The following ITGA2 variants were observed in gnomAD, a reference collection of about 807,000 sequenced individuals.
ITGA2 encodes integrin subunit alpha 2, also known as integrin alpha-2.
ITGA2 carries 101 observed loss-of-function variants against 146.3 expected under a neutral mutation model. That is an observed-to-expected ratio of 0.69 (90% CI 0.59 to 0.81). The LOEUF is 0.81. Ranked by LOEUF, ITGA2 falls within the 40% of genes least tolerant of loss-of-function variation. The pLI, the probability that ITGA2 is intolerant of heterozygous loss-of-function variation, is 0.00. For synonymous variants in ITGA2, 477 were observed against 487.1 expected, an observed-to-expected ratio of 0.98 and a Z score of 0.27; for missense variants, 1,281 against 1,402.7, an observed-to-expected ratio of 0.91 and a Z score of 1.39.
At chr5:52,989,561 T>G (rs1740813758) in intron 1 of ITGA2, 29 bp downstream of exon 1, 1 of 1,613,250 alleles carries the variant, frequency 6.2e-7, no homozygotes, top group Non-Finnish European at 8.5e-7. Context: ...CTGCATCGGC[T>G]GCAGGAGGGA....
intron 7 of ITGA2, among the ~76,000 whole-genome samples, chr5:53,053,574 A>G (rs750684154): frequency 1.3e-5 from 2 of 152,136 alleles, no homozygotes; most frequent in African/African-American, 2.4e-5. Context: ...CTCCAGGACA[A>G]TGGCCACTGT....
intron 1 of ITGA2, among the ~76,000 whole-genome samples, chr5:53,009,198 G>A (rs1323067915): frequency 2.0e-5 from 3 of 152,140 alleles, no homozygotes; most frequent in Non-Finnish European, 2.9e-5. Context: ...GTAAATAGTA[G>A]TCAGGGCCTT....
In ITGA2 at chr5:53,038,643, C is replaced by G. The variant is rs182832268; in HGVS notation, c.186-3469C>G. On this transcript the variant is annotated intron_variant, in intron 2 of 29. Coordinates refer to ENST00000296585, the MANE Select transcript of ITGA2 (RefSeq NM_002203.4). ...TCCCAATCTGGGCCCTCTGCCAGGACTTCCTGCAGCTAAGAGGAAGGACAC... is the reference window on the plus strand; with the variant it reads ...TCCCAATCTGGGCCCTCTGCCAGGAGTTCCTGCAGCTAAGAGGAAGGACAC... Among the ~76,000 whole-genome samples, 127 of 152,316 alleles carry G rather than the reference C, an allele frequency of 8.3e-4. 1 individual carries two copies. Among genetic ancestry groups the G allele is most frequent in the African/African-American group, 2.9e-3 (121 of 41,556 alleles).
At chr5:53,006,089 G>A (rs1278001758) in intron 1 of ITGA2, among the ~76,000 whole-genome samples, 1 of 152,108 alleles carries the variant, frequency 6.6e-6, no homozygotes, top group Non-Finnish European at 1.5e-5. Flanking sequence ...GAGAGCATCA[G>A]GATAAGTAGC....
chr5:53,073,128 T>A lies in ITGA2; in HGVS notation c.2440T>A (p.Phe814Ile). 1.2e-6 allele frequency: 2 copies of A among 1,612,014 alleles called. No individual in the cohort carries two copies. The highest frequency in any genetic ancestry group is 1.7e-6 in the Non-Finnish European group (2 of 1,178,708). ...TTTTACTTTTAACAGAGAACAACCCTTTATTGTCAGCAACCAAAACAAAAG... is the reference window on the plus strand; with the variant it reads ...TTTTACTTTTAACAGAGAACAACCCATTATTGTCAGCAACCAAAACAAAAG... ...RQIPAAQEQP[F>I]IVSNQNKRLT... The change falls in exon 20 of 30, where the codon TTT becomes ATT. Residue 814 changes from phenylalanine (F) to isoleucine (I), a missense_variant. Coordinates refer to ENST00000296585, the MANE Select transcript of ITGA2 (RefSeq NM_002203.4).
At chr5:53,041,819 C>G (rs1164497916) in intron 2 of ITGA2, among the ~76,000 whole-genome samples, 1 of 152,032 alleles carries the variant, frequency 6.6e-6, no homozygotes, top group Non-Finnish European at 1.5e-5. Flanking sequence ...TAGCTGGCTA[C>G]TAGAAAATTT....
chr5:53,074,921 C>T (rs1354842815), intron 21 of ITGA2, 140 bp from the exon 22 acceptor site: 3 of 657,976 alleles, frequency 4.6e-6, no homozygotes, highest in Admixed American at 5.3e-5. Flanking sequence ...TAAAGATATT[C>T]CACAAATTTG....
intron 9 of ITGA2, 22 bp downstream of exon 9, chr5:53,056,171 C>A (rs777476406): frequency 4.9e-5 from 79 of 1,601,370 alleles, no homozygotes; most frequent in Non-Finnish European, 6.2e-5. Flanking sequence ...AACCTCCTTT[C>A]AAGAATTTTC....
At position 53,073,169 on chromosome 5, in the gene ITGA2, A is replaced by G. The variant is rs1340077981; in HGVS notation, c.2481A>G (p.Val827=). 6.2e-6 allele frequency: 10 copies of G among 1,612,038 alleles called. No individual in the cohort carries two copies. Among genetic ancestry groups the G allele is most frequent in the Non-Finnish European group, 8.5e-6 (10 of 1,178,630 alleles). The change falls in exon 20 of 30, where the codon GTA becomes GTG. Residue 827 remains valine, a synonymous_variant. Transcript: ENST00000296585. ...AAAACAAAAGGTTAACATTTTCAGT[A>G]ACGCTGAAAAATAAAAGGGAAAGTG... is the stretch of plus-strand genomic sequence containing the variant. ...SNQNKRLTFS[V]TLKNKRESAY...
Position 53,061,004 on chromosome 5 carries a change from GAATGGC to G in ITGA2, c.1420_1425del (p.Gly474_Asn475del). 1 of 1,612,392 alleles carries G rather than the reference GAATGGC, an allele frequency of 6.2e-7. No individual in the cohort carries two copies. The highest frequency in any genetic ancestry group is 1.7e-5 in the Admixed American group (1 of 59,824). ...AGATAGTGCTATATAGTGTGAATGA[GAATGGC>G]AATATCACGGTTATTCAGGCTCACC... On this transcript the variant is annotated inframe_deletion, in exon 12 of 30. Coordinates refer to ENST00000296585, the MANE Select transcript of ITGA2 (RefSeq NM_002203.4).
chr5:53,074,676 A>G (rs1745575747), intron 21 of ITGA2, among the ~76,000 whole-genome samples, 199 bp downstream of exon 21: 1 of 152,032 alleles, frequency 6.6e-6, no homozygotes, highest in South Asian at 2.1e-4. Context: ...AATTCATTCC[A>G]AAAGGTACAC....
intron 15 of ITGA2, among the ~76,000 whole-genome samples, chr5:53,066,738 CT>C (rs1207045193): frequency 1.3e-5 from 2 of 151,642 alleles, no homozygotes; most frequent in Non-Finnish European, 2.9e-5. Context: ...CAGAATGAAA[CT>C]TTTATGTGGA....
intron 2 of ITGA2, among the ~76,000 whole-genome samples, chr5:53,037,256 G>A (rs1743534862): frequency 6.6e-6 from 1 of 152,252 alleles, no homozygotes; most frequent in Non-Finnish European, 1.5e-5. Context: ...GTTATTTAAA[G>A]TAGTCTTGGA....
Position 53,073,192 on chromosome 5 carries a change from G to A in ITGA2, c.2504G>A (p.Ser835Asn), listed in dbSNP as rs749702217. ...FSVTLKNKRE[S>N]AYNTGIVVDF... ...GTAACGCTGAAAAATAAAAGGGAAA[G>A]TGCATACAACACTGGAATTGTTGTT... The change falls in exon 20 of 30, where the codon AGT becomes AAT. Residue 835 changes from serine to asparagine, a missense_variant. This residue lies in a region of ITGA2 where 475 missense variants were observed against 530.5 expected (regional missense o/e 0.90). Coordinates refer to ENST00000296585, the MANE Select transcript of ITGA2 (RefSeq NM_002203.4). The A allele has an allele frequency of 1.2e-6, 2 of 1,612,534 alleles. No individual in the cohort carries two copies. Among genetic ancestry groups the A allele is most frequent in the South Asian group, 2.2e-5 (2 of 91,064 alleles).
At chr5:52,999,478 C>A (rs1453491672) in intron 1 of ITGA2, among the ~76,000 whole-genome samples, 1 of 152,018 alleles carries the variant, frequency 6.6e-6, no homozygotes, top group East Asian at 1.9e-4. Context: ...CATGAAACTT[C>A]TGGGTAAGAG....
At chr5:52,995,196 T>C (rs1322472845) in intron 1 of ITGA2, among the ~76,000 whole-genome samples, 1 of 152,204 alleles carries the variant, frequency 6.6e-6, no homozygotes, top group East Asian at 1.9e-4. Context: ...TTGAAGGGCC[T>C]TGTAAGTCAT....
intron 7 of ITGA2, among the ~76,000 whole-genome samples, chr5:53,052,506 C>T (rs1239690530): frequency 1.3e-5 from 2 of 152,218 alleles, no homozygotes; most frequent in East Asian, 3.9e-4. Context: ...AACCTATTCT[C>T]TCTCTTTGTC....
In ITGA2 at chr5:53,019,762, G is replaced by T. The variant is rs558372761; in HGVS notation, c.65-6986G>T. ...GCTGGTCTTGAACTCCTTACCTCAGGTGATCTGTCCACCTCGGCCTCCCAA... is the reference window on the plus strand; with the variant it reads ...GCTGGTCTTGAACTCCTTACCTCAGTTGATCTGTCCACCTCGGCCTCCCAA... On this transcript the variant is annotated intron_variant, in intron 1 of 29. Coordinates refer to ENST00000296585, the MANE Select transcript of ITGA2 (RefSeq NM_002203.4). Among the ~76,000 whole-genome samples, 177 of 152,208 alleles carry T rather than the reference G, an allele frequency of 1.2e-3. 1 individual carries two copies. In the Middle Eastern group the frequency reaches 0.02, roughly 18 times the overall value.
chr5:53,055,742 A>G (rs949855433), intron 8 of ITGA2, 54 bp downstream of exon 8: 5 of 1,592,376 alleles, frequency 3.1e-6, no homozygotes, highest in Non-Finnish European at 4.3e-6. Flanking sequence ...ATCTTTCTTT[A>G]TAGCATCACT....
Sources: allele counts gnomAD v4.1 joint callset (sites outside exome capture counted in the v4.1 genomes callset), GRCh38; gene constraint gnomAD v4.1.1; regional missense constraint gnomAD v4.1.1; transcripts MANE v1.5; gene names NCBI Gene and HGNC (gene_info 2026-07-23, HGNC 2026-07-21).